LYPD6: variants seen among roughly 807,000 people sequenced by gnomAD.
LYPD6 encodes the protein ly6/PLAUR domain-containing protein 6.
In LYPD6, 15 loss-of-function variants were observed where a neutral mutation model predicts 22.7. That is an observed-to-expected ratio of 0.66 (90% CI 0.44 to 1.02). The LOEUF is 1.02. Among genes scored for constraint, LYPD6 ranks in the 50% least tolerant of loss-of-function variants. LYPD6 has a pLI of 0.00. For missense variants in LYPD6, 189 were observed against 208.4 expected, an observed-to-expected ratio of 0.91 and a Z score of 0.57; for synonymous variants, 72 against 77.5, an observed-to-expected ratio of 0.93 and a Z score of 0.37.
chr2:149,429,751 G>A (rs375420361), intron 1 of LYPD6, among the ~76,000 whole-genome samples: 1 of 152,308 alleles, frequency 6.6e-6, no homozygotes, highest in Non-Finnish European at 1.5e-5. Flanking sequence ...AGGTAACTGT[G>A]GCTATGGAAT....
At chr2:149,393,897 A>G (rs1271154746) in intron 1 of LYPD6, among the ~76,000 whole-genome samples, 1 of 152,180 alleles carries the variant, frequency 6.6e-6, no homozygotes, top group African/African-American at 2.4e-5. Context: ...GGGCAGTGAC[A>G]GGGCGATTTG....
intron 1 of LYPD6, chr2:149,370,656 C>T (rs1164724588): frequency 1.3e-5 from 2 of 152,098 alleles, no homozygotes; most frequent in East Asian, 1.9e-4. Flanking sequence ...ATAAATTACC[C>T]GGTCTGTGGT....
chr2:149,432,714 C>T (rs929605702), intron 1 of LYPD6, among the ~76,000 whole-genome samples: 3 of 152,196 alleles, frequency 2.0e-5, no homozygotes, highest in African/African-American at 4.8e-5. Context: ...TTCCATCTCT[C>T]TTTTCCCCCT....
At chr2:149,337,364 C>A (rs1681054131) in intron 1 of LYPD6, among the ~76,000 whole-genome samples, 1 of 152,266 alleles carries the variant, frequency 6.6e-6, no homozygotes, top group African/African-American at 2.4e-5. Flanking sequence ...GTTATCCTGG[C>A]AGTCTTTGTA....
intron 1 of LYPD6, among the ~76,000 whole-genome samples, chr2:149,347,864 G>A (rs16826885): frequency 0.17 from 25,212 of 151,930 alleles, 2,824 homozygotes; most frequent in East Asian, 0.57. Context: ...GCCAATGCAA[G>A]CATAGCAACT....
intron 1 of LYPD6, among the ~76,000 whole-genome samples, chr2:149,416,551 A>C (rs75246885): frequency 0.022 from 3,406 of 152,288 alleles, 110 homozygotes; most frequent in African/African-American, 0.078. Flanking sequence ...CGTGGCAGCT[A>C]TAACTGTAGT....
chr2:149,407,804 G>T (rs537778689), intron 1 of LYPD6, among the ~76,000 whole-genome samples: 4 of 152,094 alleles, frequency 2.6e-5, no homozygotes, highest in Non-Finnish European at 5.9e-5. Flanking sequence ...AGGAGGAGAG[G>T]CACTCTGGTT....
chr2:149,445,652 T>G (rs1683671367), intron 2 of LYPD6, among the ~76,000 whole-genome samples: 1 of 152,244 alleles, frequency 6.6e-6, no homozygotes, highest in South Asian at 2.1e-4. Flanking sequence ...ACTTTTCTTC[T>G]GCAGCTTCAT....
Position 149,339,489 on chromosome 2 carries a change from C to G in LYPD6, c.-72+8767C>G, listed in dbSNP as rs192656839. On this transcript the variant is annotated intron_variant, in intron 1 of 4. Coordinates refer to ENST00000334166, the MANE Select transcript of LYPD6 (RefSeq NM_194317.5). Reference sequence around the variant, plus strand: ...TGTCCTATCAGGTAATTTTAGTTTTCAACCAGCCTACCAATTACAGTCATA... The same window carrying G: ...TGTCCTATCAGGTAATTTTAGTTTTGAACCAGCCTACCAATTACAGTCATA... 9.4e-3 allele frequency among the ~76,000 whole-genome samples: 1,428 copies of G among 152,278 alleles called. 51 individuals carry two copies. Among genetic ancestry groups the G allele is most frequent in the Admixed American group, 0.071 (1,089 of 15,290 alleles).
intron 1 of LYPD6, among the ~76,000 whole-genome samples, chr2:149,331,581 A>G (rs1246509320): frequency 6.6e-6 from 1 of 151,996 alleles, no homozygotes; most frequent in Admixed American, 6.5e-5. Context: ...AAGTGTCACA[A>G]TCACATCCCG....
At chr2:149,456,588 C>T (rs1214660919) in intron 3 of LYPD6, among the ~76,000 whole-genome samples, 1 of 152,068 alleles carries the variant, frequency 6.6e-6, no homozygotes, top group Admixed American at 6.6e-5. Flanking sequence ...TCAGGTGGGC[C>T]CTGATCCAGT....
chr2:149,342,119 A>T (rs1230681041), intron 1 of LYPD6, among the ~76,000 whole-genome samples: 1 of 152,182 alleles, frequency 6.6e-6, no homozygotes, highest in African/African-American at 2.4e-5. Flanking sequence ...GTATTCACAA[A>T]ACAGACTCTA....
At chr2:149,456,773 A>G (rs953095864) in intron 3 of LYPD6, among the ~76,000 whole-genome samples, 8 of 152,222 alleles carry the variant, frequency 5.3e-5, no homozygotes, top group Non-Finnish European at 1.0e-4. Context: ...CCTTTGTTTA[A>G]GCATTCATTC....
At chr2:149,408,618 T>G (rs1309888931) in intron 1 of LYPD6, among the ~76,000 whole-genome samples, 2 of 152,248 alleles carry the variant, frequency 1.3e-5, no homozygotes, top group Non-Finnish European at 2.9e-5. Context: ...AATTTTTTCT[T>G]TGTCTTTGAC....
intron 1 of LYPD6, among the ~76,000 whole-genome samples, chr2:149,353,756 A>G (rs1681401056): frequency 6.6e-6 from 1 of 151,970 alleles, no homozygotes; most frequent in African/African-American, 2.4e-5. Context: ...TCATAACAAC[A>G]TAAATGTGCT....
chr2:149,369,288 C>T (rs1681749378), intron 1 of LYPD6, among the ~76,000 whole-genome samples: 3 of 152,026 alleles, frequency 2.0e-5, no homozygotes, highest in Non-Finnish European at 2.9e-5. Context: ...GAACTAGGAC[C>T]CAAAAAGTCT....
At chr2:149,405,547 GGTA>G (rs1448689129) in intron 1 of LYPD6, among the ~76,000 whole-genome samples, 7 of 152,150 alleles carry the variant, frequency 4.6e-5, no homozygotes, top group African/African-American at 1.7e-4. Flanking sequence ...ATCCTGTGAT[GGTA>G]GTTTGTATTT....
chr2:149,480,221 G>A, the LYPD6 span, among the ~76,000 whole-genome samples: 1 of 152,034 alleles, frequency 6.6e-6, no homozygotes. Context: ...TGTTAGTCAG[G>A]CTGGTCTCAA....
At chr2:149,477,181 C>A (rs1322078383), downstream of LYPD6, among the ~76,000 whole-genome samples, 1 of 152,148 alleles carries the variant, frequency 6.6e-6, no homozygotes, top group Non-Finnish European at 1.5e-5. Flanking sequence ...TACTTAATAA[C>A]CTTGTGTATG....
Sources: allele counts gnomAD v4.1 joint callset (sites outside exome capture counted in the v4.1 genomes callset), GRCh38; gene constraint gnomAD v4.1.1; transcripts MANE v1.5; gene names NCBI Gene and HGNC (gene_info 2026-07-23, HGNC 2026-07-21).